The following ANKRD17 variants were observed in gnomAD, a reference collection of about 807,000 sequenced individuals.
ANKRD17 encodes the protein ankyrin repeat domain-containing protein 17.
A neutral mutation model predicts 229.7 loss-of-function variants in ANKRD17; 19 were observed. The observed-to-expected ratio is 0.08, with a 90% CI of 0.06 to 0.12. ANKRD17 has a LOEUF of 0.12. ANKRD17 is among the 10% of genes least tolerant of loss of function. ANKRD17 has a pLI of 1.00. For missense variants in ANKRD17, 2,176 were observed against 3,176.8 expected, an observed-to-expected ratio of 0.68 and a Z score of 7.57; for synonymous variants, 1,112 against 1,146.1, an observed-to-expected ratio of 0.97 and a Z score of 0.60.
chr4:73,077,557 A>G (rs1245995453), intron 31 of ANKRD17, 24 bp from the exon 32 acceptor site: 1 of 1,529,276 alleles, frequency 6.5e-7, no homozygotes, highest in Non-Finnish European at 8.8e-7. Context: ...AAGAGGCAAA[A>G]CAAAAATAGA....
At chr4:73,230,488 G>C (rs1229770252) in intron 1 of ANKRD17, among the ~76,000 whole-genome samples, 2 of 151,986 alleles carry the variant, frequency 1.3e-5, no homozygotes, top group Non-Finnish European at 2.9e-5. Flanking sequence ...GAGACAGAAT[G>C]GCAAATAAAA....
intron 18 of ANKRD17, 80 bp from the exon 19 acceptor site, chr4:73,121,839 TGG>T: frequency 7.2e-7 from 1 of 1,385,638 alleles, no homozygotes; most frequent in South Asian, 1.5e-5. Flanking sequence ...TTTCTTTTTC[TGG>T]TATACTGTAC....
rs778593078 is a variant in ANKRD17, at chr4:73,102,404, A to G, written c.4545T>C (p.Ala1515=). ...CAACTTTAAGCTTTTCTTTTTCTTG[A>G]GCAGCTTGGAGTTCAAAGTTCTCTT... The part of the protein sequence containing the change: ...KNKENFELQA[A]QEKEKLKVED... The change falls in exon 25 of 34, where the codon GCT becomes GCC. Residue 1515 remains alanine, a synonymous_variant. Transcript: ENST00000358602. 1 of 1,590,456 alleles carries G rather than the reference A, an allele frequency of 6.3e-7. No individual in the cohort carries two copies. The highest frequency in any genetic ancestry group is 8.5e-7 in the Non-Finnish European group (1 of 1,174,616).
chr4:73,255,659 G>A (rs367561191), intron 1 of ANKRD17, among the ~76,000 whole-genome samples: 35 of 152,150 alleles, frequency 2.3e-4, no homozygotes, highest in African/African-American at 7.7e-4. Context: ...ATGAAGATGG[G>A]GCAGAGACAA....
At chr4:73,162,503 A>G (rs1383646395) in intron 2 of ANKRD17, among the ~76,000 whole-genome samples, 1 of 151,988 alleles carries the variant, frequency 6.6e-6, no homozygotes, top group Non-Finnish European at 1.5e-5. Context: ...GCCAATGTCT[A>G]TTTTTGCTTA....
intron 1 of ANKRD17, among the ~76,000 whole-genome samples, chr4:73,240,225 A>T (rs941598555): frequency 6.6e-6 from 1 of 152,176 alleles, no homozygotes; most frequent in Admixed American, 6.5e-5. Flanking sequence ...TCTTCATAAA[A>T]GTACTTCTGT....
chr4:73,162,107 A>G (rs1310289163), intron 2 of ANKRD17, among the ~76,000 whole-genome samples: 1 of 149,090 alleles, frequency 6.7e-6, no homozygotes, highest in Non-Finnish European at 1.5e-5. Context: ...GGCTGGGTGC[A>G]TGCCACGATT....
At chr4:73,176,059 T>G (rs1238628466) in intron 2 of ANKRD17, among the ~76,000 whole-genome samples, 1 of 150,066 alleles carries the variant, frequency 6.7e-6, no homozygotes, top group Non-Finnish European at 1.5e-5. Context: ...ACTACCCAGC[T>G]GACAATGAAT....
intron 2 of ANKRD17, among the ~76,000 whole-genome samples, chr4:73,169,871 G>A (rs548899898): frequency 1.3e-4 from 20 of 152,106 alleles, no homozygotes; most frequent in Non-Finnish European, 2.8e-4. Flanking sequence ...CGTGGAGGGA[G>A]CTTTTGGACC....
chr4:73,198,514 A>C (rs1363398467), intron 1 of ANKRD17, among the ~76,000 whole-genome samples: 1 of 152,190 alleles, frequency 6.6e-6, no homozygotes, highest in African/African-American at 2.4e-5. Context: ...AAAATGAATG[A>C]AATATGTATA....
At chr4:73,087,253 T>A (rs1224912810) in intron 29 of ANKRD17, among the ~76,000 whole-genome samples, 1 of 151,690 alleles carries the variant, frequency 6.6e-6, no homozygotes, top group Admixed American at 6.6e-5. Flanking sequence ...ACCCAGCTTT[T>A]TTATTTATTT....
intron 1 of ANKRD17, among the ~76,000 whole-genome samples, chr4:73,179,894 T>TA (rs1288627808): frequency 2.0e-5 from 3 of 152,002 alleles, no homozygotes; most frequent in Non-Finnish European, 2.9e-5. Context: ...ATTATAGCAG[T>TA]AAAAAAATTT....
intron 1 of ANKRD17, among the ~76,000 whole-genome samples, chr4:73,203,143 G>T (rs1407678391): frequency 6.6e-6 from 1 of 152,156 alleles, no homozygotes; most frequent in Non-Finnish European, 1.5e-5. Flanking sequence ...TGGTTGGTTA[G>T]ATCTTGATGT....
chr4:73,193,360 C>A lies in ANKRD17; in HGVS notation c.394-15827G>T, dbSNP rs1274712500. Among the ~76,000 whole-genome samples, 4 of 152,190 alleles carry A rather than the reference C, an allele frequency of 2.6e-5. No individual in the cohort carries two copies. In the East Asian group the frequency reaches 7.7e-4, roughly 29 times the overall value. ...ACTTTATGCAGGCATGGTTTCACTT[C>A]TCTTAAATACGTACATAAGAGGAGG... On this transcript the variant is annotated intron_variant, in intron 1 of 33. Transcript: ENST00000358602.
At chr4:73,207,009 A>C (rs1166930719) in intron 1 of ANKRD17, among the ~76,000 whole-genome samples, 1 of 152,110 alleles carries the variant, frequency 6.6e-6, no homozygotes, top group Non-Finnish European at 1.5e-5. Context: ...TTTTTAGTGG[A>C]GACAGGGTTT....
At chr4:73,140,328 C>T in intron 14 of ANKRD17, 45 bp from the exon 15 acceptor site, 2 of 1,527,536 alleles carry the variant, frequency 1.3e-6, no homozygotes, top group Non-Finnish European at 1.7e-6. Context: ...TGAATGGCAT[C>T]CTCATTACAG....
intron 2 of ANKRD17, among the ~76,000 whole-genome samples, chr4:73,172,187 C>A (rs1734126748): frequency 6.6e-6 from 1 of 152,138 alleles, no homozygotes; most frequent in Admixed American, 6.5e-5. Flanking sequence ...CAAAAAGACA[C>A]AAATAAAATA....
Position 73,102,421 on chromosome 4 carries a change from A to G in ANKRD17, c.4528T>C (p.Phe1510Leu), listed in dbSNP as rs1342015534. The change falls in exon 25 of 34, where the codon TTT (phenylalanine) becomes CTT (leucine). Residue 1510 changes from phenylalanine to leucine, a missense_variant. This residue lies in a region of ANKRD17 where 105 missense variants were observed against 118.3 expected (regional missense o/e 0.89). Coordinates refer to ENST00000358602, the MANE Select transcript of ANKRD17 (RefSeq NM_032217.5). ...EEIEAKNKEN[F>L]ELQAAQEKEK... ...TTTTCTTGAGCAGCTTGGAGTTCAA[A>G]GTTCTCTTTATTTTTGGCTTCAATT... 2.5e-6 allele frequency: 4 copies of G among 1,603,926 alleles called. No homozygotes were observed. The highest frequency in any genetic ancestry group is 3.4e-6 in the Non-Finnish European group (4 of 1,177,922).
At chr4:73,145,452 T>C (rs1209605185) in intron 10 of ANKRD17, among the ~76,000 whole-genome samples, 2 of 152,156 alleles carry the variant, frequency 1.3e-5, no homozygotes, top group Non-Finnish European at 2.9e-5. Context: ...TACTAAGTAA[T>C]CAAGAACACT....
Sources: allele counts gnomAD v4.1 joint callset (sites outside exome capture counted in the v4.1 genomes callset), GRCh38; gene constraint gnomAD v4.1.1; regional missense constraint gnomAD v4.1.1; transcripts MANE v1.5; gene names NCBI Gene and HGNC (gene_info 2026-07-23, HGNC 2026-07-21).